BCL9L: variants seen among roughly 807,000 people sequenced by gnomAD.
BCL9L encodes the protein B-cell CLL/lymphoma 9-like protein.
BCL9L carries 19 observed loss-of-function variants against 99.4 expected under a neutral mutation model. The ratio of observed to expected loss-of-function variants is 0.19; its 90% CI spans 0.13 to 0.28. The LOEUF is 0.28. Among genes scored for constraint, BCL9L ranks in the 10% least tolerant of loss-of-function variants. BCL9L has a pLI of 1.00. For synonymous variants in BCL9L, 900 were observed against 854.8 expected (o/e 1.05, Z -0.92); for missense variants, 2,023 against 2,101.6 (o/e 0.96, Z 0.73).
At chr11:118,918,658 C>T (rs1393070239) in intron 2 of BCL9L, among the ~76,000 whole-genome samples, 168 bp downstream of exon 2, 1 of 151,674 alleles carries the variant, frequency 6.6e-6, no homozygotes, top group Non-Finnish European at 1.5e-5. Flanking sequence ...AGGAGACCTC[C>T]CTCCTCTGGA....
Position 118,901,890 on chromosome 11 carries a change from T to C in BCL9L, c.1853A>G (p.Gln618Arg), listed in dbSNP as rs1168987257. Reference protein sequence around the residue: ...IQRVPGFGGMQSMPMEVPMNA... With the variant: ...IQRVPGFGGMRSMPMEVPMNA... ...CATGGGCACCTCCATGGGCATACTC[T>C]GCATGCCCCCAAACCCAGGTACCCG... is the stretch of plus-strand genomic sequence containing the variant. Residue 618 changes from glutamine to arginine, a missense_variant, in exon 8 of 10, where the codon CAG becomes CGG. Physicochemically the swap from Gln to Arg is conservative, Grantham distance 43. Around this residue, in one of 3 missense-constraint regions of BCL9L, gnomAD observed 1,116 missense variants for 1,194.6 expected, o/e 0.93. Coordinates refer to ENST00000683865, the MANE Select transcript of BCL9L (RefSeq NM_001378213.1). This position sits in a 1 kb window ranked among gnomAD's most constrained non-coding sequence, Gnocchi z 6.6. The C allele has an allele frequency of 6.2e-7, 1 of 1,613,898 alleles. No homozygotes were observed. Among genetic ancestry groups the C allele is most frequent in the Non-Finnish European group, 8.5e-7 (1 of 1,179,838 alleles).
rs925918981 is a variant in BCL9L, at chr11:118,922,470, C to T, written c.-131+2768G>A. 2.0e-4 allele frequency among the ~76,000 whole-genome samples: 31 copies of T among 152,314 alleles called. No homozygotes were observed. Among genetic ancestry groups the T allele is most frequent in the Admixed American group, 8.5e-4 (13 of 15,310 alleles). On this transcript the variant is annotated intron_variant, in intron 1 of 9. Coordinates refer to ENST00000683865, the MANE Select transcript of BCL9L (RefSeq NM_001378213.1). This position sits in a 1 kb window ranked among gnomAD's most constrained non-coding sequence, Gnocchi z 6.2. ...CTCAGTTCCCTGAGGGCAGCCCCCA[C>T]GGTGTGTTTGTGGGTGGGCAGCTGT...
At position 118,901,142 on chromosome 11, in the gene BCL9L, T is replaced by C; in HGVS notation, c.2601A>G (p.Gln867=). The change falls in exon 8 of 10, where the codon CAA becomes CAG. Residue 867 remains glutamine (Q), a synonymous_variant. Transcript: ENST00000683865. The surrounding 1 kb of genome is among the most constrained non-coding windows in gnomAD (Gnocchi z 6.6). ...AGCTCTGATCAGGGCTGAACATGTC[T>C]TGGGTATTGCCCATGTCCTGGGACA... The part of the protein sequence containing the change: ...QAMSQDMGNT[Q]DMFSPDQSSM... 2 of 1,613,804 alleles carry C rather than the reference T, an allele frequency of 1.2e-6. No homozygotes were observed. Among genetic ancestry groups the C allele is most frequent in the African/African-American group, 2.7e-5 (2 of 75,018 alleles).
At chr11:118,907,661 C>A (rs912041338) in intron 4 of BCL9L, 59 bp from the exon 5 acceptor site, 1 of 1,596,246 alleles carries the variant, frequency 6.3e-7, no homozygotes, top group Middle Eastern at 1.7e-4. Context: ...TTCTCCCACA[C>A]CCAGGGTCCC....
chr11:118,909,195 G>C (rs1940670056), intron 3 of BCL9L, among the ~76,000 whole-genome samples: 1 of 152,200 alleles, frequency 6.6e-6, no homozygotes, highest in Non-Finnish European at 1.5e-5. Context: ...CCAGACAGCT[G>C]GAGGGGAAGG....
Position 118,902,789 on chromosome 11 carries a change from C to T in BCL9L, c.954G>A (p.Pro318=), listed in dbSNP as rs563540587. Residue 318 remains proline (P), a synonymous_variant, in exon 8 of 10, where the codon CCG becomes CCA. Transcript: ENST00000683865. This position sits in a 1 kb window ranked among gnomAD's most constrained non-coding sequence, Gnocchi z 7.8. ...GAGGCCCCTCTGGGGGCAGAGCAGG[C>T]GGGGCACTGCCAGGGGCCGGGGGTG... ...PPPPPAPGSA[P]PALPPEGPPE... 2.1e-5 allele frequency: 33 copies of T among 1,567,062 alleles called. 1 individual carries two copies. In the Admixed American group the frequency reaches 3.8e-4, roughly 18 times the overall value.
chr11:118,922,474 G>A lies in BCL9L; in HGVS notation c.-131+2764C>T, dbSNP rs1488789830. Among the ~76,000 whole-genome samples the A allele has an allele frequency of 6.6e-6, 1 of 152,212 alleles. No individual in the cohort carries two copies. The highest frequency in any genetic ancestry group is 1.5e-5 in the Non-Finnish European group (1 of 68,028). ...GTTCCCTGAGGGCAGCCCCCACGGT[G>A]TGTTTGTGGGTGGGCAGCTGTCGGG... On this transcript the variant is annotated intron_variant, in intron 1 of 9. Transcript: ENST00000683865. The surrounding 1 kb of genome is among the most constrained non-coding windows in gnomAD (Gnocchi z 6.2).
intron 2 of BCL9L, among the ~76,000 whole-genome samples, chr11:118,917,971 C>G (rs1350645180): frequency 2.0e-5 from 3 of 152,214 alleles, no homozygotes; most frequent in African/African-American, 7.2e-5. Flanking sequence ...CTGCCCCCCA[C>G]CCACCTGTTC....
chr11:118,900,616 C>T lies in BCL9L; in HGVS notation c.3124+3G>A, dbSNP rs756242695. On this transcript the variant is annotated splice_donor_region_variant and intron_variant, in intron 8 of 9. Transcript: ENST00000683865. The surrounding 1 kb of genome is among the most constrained non-coding windows in gnomAD (Gnocchi z 5.3). Reference sequence around the variant, plus strand: ...TGCCTGCCTGCCTGCGCAATTGACTCACCCTGTTCCATGTTGCTCAGGGTG... The same window carrying T: ...TGCCTGCCTGCCTGCGCAATTGACTTACCCTGTTCCATGTTGCTCAGGGTG... 6.3e-7 allele frequency: 1 copy of T among 1,599,002 alleles called. No homozygotes were observed. The highest frequency in any genetic ancestry group is 2.2e-5 in the East Asian group (1 of 44,486).
chr11:118,905,063 A>G (rs1017830201), intron 5 of BCL9L, among the ~76,000 whole-genome samples: 4 of 152,184 alleles, frequency 2.6e-5, no homozygotes, highest in Non-Finnish European at 5.9e-5. Flanking sequence ...TACCAACCCT[A>G]TGAGATAAAT....
In BCL9L at chr11:118,898,533, C is replaced by G; in HGVS notation, c.4382G>C (p.Gly1461Ala). The change falls in exon 10 of 10, where the codon GGC (glycine) becomes GCC (alanine). Residue 1461 changes from glycine to alanine, a missense_variant. Around this residue, in one of 3 missense-constraint regions of BCL9L, gnomAD observed 902 missense variants for 888.2 expected, o/e 1.02. Coordinates refer to ENST00000683865, the MANE Select transcript of BCL9L (RefSeq NM_001378213.1). Reference sequence around the variant, plus strand: ...CATGAGGTTCTGCTGGGGCGGGGGGCCCATGAGGGAGCCCTGCGGGGAGAG... The same window carrying G: ...CATGAGGTTCTGCTGGGGCGGGGGGGCCATGAGGGAGCCCTGCGGGGAGAG... ...HMLSPQGSLM[G>A]PPPQQNLMVS... The G allele has an allele frequency of 6.2e-7, 1 of 1,600,740 alleles. No homozygotes were observed. The highest frequency in any genetic ancestry group is 8.5e-7 in the Non-Finnish European group (1 of 1,171,378).
rs1941125636 is a variant in BCL9L, at chr11:118,921,118, A to G, written c.-130-2239T>C. ...CCTAAAAAGCACTCCAAATTCTCCA[A>G]GAGTGGCCCCTTCAGACCCACAGAG... is the stretch of plus-strand genomic sequence containing the variant. On this transcript the variant is annotated intron_variant, in intron 1 of 9. Coordinates refer to ENST00000683865, the MANE Select transcript of BCL9L (RefSeq NM_001378213.1). The surrounding 1 kb of genome is among the most constrained non-coding windows in gnomAD (Gnocchi z 5.4). Among the ~76,000 whole-genome samples the G allele has an allele frequency of 6.6e-6, 1 of 152,180 alleles. No individual in the cohort carries two copies. The highest frequency in any genetic ancestry group is 2.4e-5 in the African/African-American group (1 of 41,434).
chr11:118,916,189 TC>T (rs1043173026), intron 2 of BCL9L, among the ~76,000 whole-genome samples: 79 of 152,196 alleles, frequency 5.2e-4, no homozygotes, highest in African/African-American at 1.8e-3. Context: ...CCTCTCTAGA[TC>T]CAGAGGAACA....
Position 118,900,284 on chromosome 11 carries a change from C to T in BCL9L, c.3125-86G>A, listed in dbSNP as rs1012412050. ...TGTGGATATGGGGAGGTTTAGGAAGCGGTCAGTTCCCCAAATCACCTGGTC... is the reference window on the plus strand; with the variant it reads ...TGTGGATATGGGGAGGTTTAGGAAGTGGTCAGTTCCCCAAATCACCTGGTC... On this transcript the variant is annotated intron_variant, in intron 8 of 9. Transcript: ENST00000683865. The surrounding 1 kb of genome is among the most constrained non-coding windows in gnomAD (Gnocchi z 5.3). 3.4e-5 allele frequency: 47 copies of T among 1,370,148 alleles called. No homozygotes were observed. The highest frequency in any genetic ancestry group is 4.2e-5 in the Non-Finnish European group (43 of 1,028,278). The allele number at this position is 1,370,148 out of a possible 1,614,324, so 84.9% of individuals were successfully genotyped here.
rs142529866 is a variant in BCL9L at position 118,908,451 on chromosome 11, C to T, written c.231G>A (p.Ala77=). ...GGTTGGCCTTGGCCCCATGGTTCCC[C>T]GCCCCCACGCCCTTCGAGCCCACGT... is the stretch of plus-strand genomic sequence containing the variant. ...TCNVGSKGVG[A]GNHGAKANQI... Residue 77 remains alanine (A), a synonymous_variant, in exon 4 of 10, where the codon GCG becomes GCA. Transcript: ENST00000683865. The T allele has an allele frequency of 5.2e-5, 84 of 1,614,088 alleles. No homozygotes were observed. In the African/African-American group the frequency reaches 7.7e-4, roughly 15 times the overall value.
chr11:118,911,457 G>A (rs1440301903), intron 2 of BCL9L, among the ~76,000 whole-genome samples: 1 of 152,222 alleles, frequency 6.6e-6, no homozygotes, highest in Non-Finnish European at 1.5e-5. Flanking sequence ...AGGCTCCTGG[G>A]GGAAGGTTCC....
chr11:118,903,083 A>G lies in BCL9L; in HGVS notation c.750-9T>C. ...GCACTGCCTCTGCAGCCCTGCACAG[A>G]GTGGGGGCACCGACAGCTCAGAGAG... On this transcript the variant is annotated splice_polypyrimidine_tract_variant and intron_variant, in intron 6 of 9. Coordinates refer to ENST00000683865, the MANE Select transcript of BCL9L (RefSeq NM_001378213.1). The surrounding 1 kb of genome is among the most constrained non-coding windows in gnomAD (Gnocchi z 5.6). 1 of 1,570,718 alleles carries G rather than the reference A, an allele frequency of 6.4e-7. No individual in the cohort carries two copies.
At position 118,908,319 on chromosome 11, in the gene BCL9L, A is replaced by G. The variant is rs1288065721; in HGVS notation, c.363T>C (p.Ser121=). 1.3e-6 allele frequency: 2 copies of G among 1,593,572 alleles called. No individual in the cohort carries two copies. The highest frequency in any genetic ancestry group is 3.4e-5 in the Admixed American group (2 of 58,194). Residue 121 remains serine (S), a synonymous_variant, in exon 4 of 10, where the codon TCT becomes TCC. Coordinates refer to ENST00000683865, the MANE Select transcript of BCL9L (RefSeq NM_001378213.1). The part of the protein sequence containing the change: ...VKRDRSVSVD[S]GEQREAGTPS... Reference sequence around the variant, plus strand: ...GGGTCCCAGCCTCTCGCTGCTCTCCAGAGTCCACAGACACACTCCGGTCCC... The same window carrying G: ...GGGTCCCAGCCTCTCGCTGCTCTCCGGAGTCCACAGACACACTCCGGTCCC...
chr11:118,912,502 G>C (rs959422764), intron 2 of BCL9L, among the ~76,000 whole-genome samples: 1 of 152,182 alleles, frequency 6.6e-6, no homozygotes, highest in African/African-American at 2.4e-5. Flanking sequence ...CCCGAGTGAC[G>C]CGAGGGTAGG....
Sources: gnomAD v4.1 joint callset for allele counts (sites outside exome capture counted in the v4.1 genomes callset) on GRCh38, gnomAD v4.1.1 for gene constraint, gnomAD v4.1.1 regional missense constraint, Gnocchi (gnomAD v3.1) non-coding constraint, MANE v1.5 for transcripts, NCBI Gene and HGNC (gene_info 2026-07-23, HGNC 2026-07-21) for gene names.